TATDN2: variants seen among roughly 807,000 people sequenced by gnomAD.
TATDN2 encodes the protein 3'-5' RNA nuclease TATDN2.
Under a neutral mutation model 60.3 loss-of-function variants are expected in TATDN2, and 44 were observed. The ratio of observed to expected loss-of-function variants is 0.73; its 90% CI spans 0.57 to 0.94. TATDN2 has a LOEUF of 0.94. Ranked by LOEUF, TATDN2 falls within the 40% of genes least tolerant of loss-of-function variation. TATDN2 has a pLI of 0.00. For synonymous variants in TATDN2, 399 were observed against 355.8 expected, an observed-to-expected ratio of 1.12 and a Z score of -1.37; for missense variants, 997 against 948.0, an observed-to-expected ratio of 1.05 and a Z score of -0.68.
intron 3 of TATDN2, among the ~76,000 whole-genome samples, chr3:10,269,700 G>GA (rs897067207): frequency 1.5e-4 from 22 of 150,648 alleles, no homozygotes; most frequent in South Asian, 4.2e-4. Flanking sequence ...GACCCTGTCT[G>GA]AAAAAAAAAT....
chr3:10,249,123 G>A, intron 1 of TATDN2, 56 bp downstream of exon 1: 1 of 1,474,688 alleles, frequency 6.8e-7, no homozygotes, highest in Non-Finnish European at 9.0e-7. Context: ...TCCTGGGCCC[G>A]GGGTGGCGGG....
intron 2 of TATDN2, among the ~76,000 whole-genome samples, chr3:10,257,612 CAAAA>C (rs919342302): frequency 6.5e-5 from 7 of 108,286 alleles, no homozygotes; most frequent in Non-Finnish European, 1.3e-4. Flanking sequence ...AAAAAAAAAA[CAAAA>C]AAAAAAAACA....
At chr3:10,267,226 A>T (rs917521432) in intron 3 of TATDN2, among the ~76,000 whole-genome samples, 1 of 151,732 alleles carries the variant, frequency 6.6e-6, no homozygotes, top group Admixed American at 6.6e-5. Context: ...CGGCTGAGAC[A>T]GTCTTGAATA....
chr3:10,250,801 A>G (rs1205055645), intron 2 of TATDN2, among the ~76,000 whole-genome samples: 3 of 152,226 alleles, frequency 2.0e-5, no homozygotes, highest in Admixed American at 6.5e-5. Flanking sequence ...TCAGGTAAGT[A>G]TGGGACTTTG....
intron 4 of TATDN2, among the ~76,000 whole-genome samples, chr3:10,272,475 G>A (rs1042514408): frequency 1.4e-5 from 2 of 147,690 alleles, no homozygotes; most frequent in Non-Finnish European, 3.0e-5. Context: ...TTTCACTCTT[G>A]TTGGCCAGGC....
intron 3 of TATDN2, among the ~76,000 whole-genome samples, chr3:10,262,128 T>G (rs1191832749): frequency 2.6e-5 from 4 of 152,242 alleles, no homozygotes; most frequent in Admixed American, 1.3e-4. Flanking sequence ...TTCTCAATAC[T>G]GTCAAAATAA....
chr3:10,260,759 A>T, intron 3 of TATDN2, 89 bp downstream of exon 3: 1 of 1,452,940 alleles, frequency 6.9e-7, no homozygotes, highest in Non-Finnish European at 9.2e-7. Flanking sequence ...AGTGTTACTA[A>T]TTAAAAATAG....
chr3:10,268,322 C>T (rs1698509370), intron 3 of TATDN2, among the ~76,000 whole-genome samples: 1 of 152,192 alleles, frequency 6.6e-6, no homozygotes, highest in African/African-American at 2.4e-5. Flanking sequence ...AATATTAGTA[C>T]AGCCAACATA....
intron 2 of TATDN2, among the ~76,000 whole-genome samples, chr3:10,254,391 A>G (rs1698274257): frequency 6.6e-6 from 1 of 152,218 alleles, no homozygotes; most frequent in South Asian, 2.1e-4. Context: ...CCAAAATGTC[A>G]GGAAATGCTG....
rs765443509 is a variant in TATDN2, at chr3:10,276,468, C to A, written c.1941C>A (p.Pro647=). Residue 647 remains proline (P), a synonymous_variant, in exon 5 of 8, where the codon CCC becomes CCA. Transcript: ENST00000448281. ...DLLEIMKKFV[P]PDYKIHRHCF... ...TAGAAATCATGAAAAAGTTTGTGCCCCCTGACTACAAGATCCATAGGTTAG... is the reference window on the plus strand; with the variant it reads ...TAGAAATCATGAAAAAGTTTGTGCCACCTGACTACAAGATCCATAGGTTAG... The A allele has an allele frequency of 6.2e-6, 10 of 1,613,970 alleles. No homozygotes were observed. Among genetic ancestry groups the A allele is most frequent in the South Asian group, 2.2e-5 (2 of 91,082 alleles).
intron 4 of TATDN2, among the ~76,000 whole-genome samples, chr3:10,271,663 A>G (rs1020857082): frequency 1.3e-5 from 2 of 152,074 alleles, no homozygotes; most frequent in African/African-American, 2.4e-5. Flanking sequence ...GAAAAAATGC[A>G]TAATTTCCCA....
rs2125182739 is a variant in TATDN2 at position 10,278,653 on chromosome 3, C to G, written c.2145+191C>G. On this transcript the variant is annotated intron_variant, in intron 6 of 7. Coordinates refer to ENST00000448281, the MANE Select transcript of TATDN2 (RefSeq NM_014760.4). The surrounding 1 kb of genome is among the most constrained non-coding windows in gnomAD (Gnocchi z 4.7). The stretch of plus-strand genomic sequence containing the variant: ...GGGCTGAGAAGCTGAAGGGTAACCA[C>G]TCTCTTCCAGGCAGTGCAAAGCCCT... 2.0e-6 allele frequency: 2 copies of G among 989,442 alleles called. No individual in the cohort carries two copies. Among genetic ancestry groups the G allele is most frequent in the East Asian group, 5.2e-5 (2 of 38,718 alleles). 61.3% of individuals were successfully genotyped at this position (989,442 alleles called of 1,614,324 possible). A position where few individuals can be genotyped will look rare whatever the true frequency, so the allele number is the denominator to read the frequency against.
Position 10,280,580 on chromosome 3 carries a change from C to G in TATDN2, c.*1398C>G, listed in dbSNP as rs1207946396. 1 of 153,760 alleles carries G rather than the reference C, an allele frequency of 6.5e-6. No homozygotes were observed. Among genetic ancestry groups the G allele is most frequent in the African/African-American group, 2.4e-5 (1 of 41,442 alleles). 9.5% of individuals were successfully genotyped at this position (153,760 alleles called of 1,614,324 possible). ...ATCCCTTATGGAATCCTAAATTCCTCTAGGTGTTTTTGGAAGGCGCATTTG... is the reference window on the plus strand; with the variant it reads ...ATCCCTTATGGAATCCTAAATTCCTGTAGGTGTTTTTGGAAGGCGCATTTG... On this transcript the variant is annotated 3_prime_UTR_variant, in exon 8 of 8. Transcript: ENST00000448281.
chr3:10,250,922 A>G (rs538174630), intron 2 of TATDN2, among the ~76,000 whole-genome samples: 15 of 152,360 alleles, frequency 9.8e-5, no homozygotes, highest in Non-Finnish European at 2.1e-4. Flanking sequence ...ATTTGTAGAT[A>G]GAGTGAAACC....
At position 10,260,549 on chromosome 3, in the gene TATDN2, T is replaced by TA. The variant is rs1178499538; in HGVS notation, c.827_828insA (p.Ile277TyrfsTer9). The TA allele has an allele frequency of 6.2e-7, 1 of 1,614,036 alleles. No individual in the cohort carries two copies. Among genetic ancestry groups the TA allele is most frequent in the Non-Finnish European group, 8.5e-7 (1 of 1,180,012 alleles). ...AGCAGCTTCTATGACAGGAGAGTAG[T>TA]TATAGACCCTCAAGAGAAACCCAGT... is the stretch of plus-strand genomic sequence containing the variant. On this transcript the variant is annotated frameshift_variant, in exon 3 of 8. Transcript: ENST00000448281. LOFTEE classifies it high-confidence loss of function.
chr3:10,260,709 C>G (rs779173205), intron 3 of TATDN2, 39 bp downstream of exon 3: 6 of 1,582,112 alleles, frequency 3.8e-6, no homozygotes, highest in East Asian at 2.2e-5. Flanking sequence ...CTTTTTAGTT[C>G]TGTTGATGAA....
In TATDN2 at chr3:10,270,320, T is replaced by G; in HGVS notation, c.1138T>G (p.Cys380Gly). 6.2e-7 allele frequency: 1 copy of G among 1,614,162 alleles called. No individual in the cohort carries two copies. The highest frequency in any genetic ancestry group is 8.5e-7 in the Non-Finnish European group (1 of 1,180,034). Reference sequence around the variant, plus strand: ...TCCTCATTTGTACAGTAGTCCTTGGTGTGACTACGCCAGCTATTGGACCAG... The same window carrying G: ...TCCTCATTTGTACAGTAGTCCTTGGGGTGACTACGCCAGCTATTGGACCAG... ...YPPHLYSSPW[C>G]DYASYWTSSP... The change falls in exon 4 of 8, where the codon TGT becomes GGT. Residue 380 changes from cysteine to glycine, a missense_variant. Cys to Gly is a radical substitution (Grantham distance 159, BLOSUM62 -3). Coordinates refer to ENST00000448281, the MANE Select transcript of TATDN2 (RefSeq NM_014760.4).
chr3:10,252,118 A>C (rs560700813), intron 2 of TATDN2, among the ~76,000 whole-genome samples: 1 of 142,272 alleles, frequency 7.0e-6, no homozygotes, highest in East Asian at 2.3e-4. Context: ...ACTGCACTCC[A>C]GCCTGGGCAA....
chr3:10,266,702 G>C (rs2619504), intron 3 of TATDN2, among the ~76,000 whole-genome samples: 1 of 152,230 alleles, frequency 6.6e-6, no homozygotes, highest in Non-Finnish European at 1.5e-5. Flanking sequence ...GTATTCCAAT[G>C]AAACCTTATT....
Sources: gnomAD v4.1 joint callset for allele counts (sites outside exome capture counted in the v4.1 genomes callset) on GRCh38, gnomAD v4.1.1 for gene constraint, Gnocchi (gnomAD v3.1) non-coding constraint, MANE v1.5 for transcripts, NCBI Gene and HGNC (gene_info 2026-07-23, HGNC 2026-07-21) for gene names.